Variants in SLC1A1 observed in about 807,000 individuals in gnomAD.
SLC1A1 encodes solute carrier family 1 member 1.
Under a neutral mutation model 53.3 loss-of-function variants are expected in SLC1A1, and 43 were observed. The ratio of observed to expected loss-of-function variants is 0.81; its 90% CI spans 0.63 to 1.04. The LOEUF (loss-of-function observed/expected upper bound fraction) is 1.04. SLC1A1 is among the 50% of genes least tolerant of loss of function. SLC1A1 has a pLI of 0.00. For missense variants in SLC1A1, 748 were observed against 664.9 expected (o/e 1.12, Z -1.37); for synonymous variants, 307 against 243.2 (o/e 1.26, Z -2.44).
At chr9:4,527,712 A>T (rs1816313548) in intron 1 of SLC1A1, among the ~76,000 whole-genome samples, 1 of 152,114 alleles carries the variant, frequency 6.6e-6, no homozygotes, top group African/African-American at 2.4e-5. Flanking sequence ...GTCTATGCGA[A>T]CATCTCTATT....
chr9:4,555,083 T>C (rs760176457), intron 2 of SLC1A1, among the ~76,000 whole-genome samples: 1 of 152,192 alleles, frequency 6.6e-6, no homozygotes, highest in Non-Finnish European at 1.5e-5. Flanking sequence ...CTCCAATTTA[T>C]AGATGGAGAA....
Position 4,561,488 on chromosome 9 carries a change from G to A in SLC1A1, c.272G>A (p.Gly91Asp). ...GATTCCAACGTATCCGGAAAAATTG[G>A]TCTGCGCGCTGTCGTGTATTATTTC... ...ALDSNVSGKI[G>D]LRAVVYYFCT... The change falls in exon 3 of 12, where the codon GGT becomes GAT. Residue 91 changes from glycine (G) to aspartate (D), a missense_variant. Transcript: ENST00000262352. 6.2e-7 allele frequency: 1 copy of A among 1,611,258 alleles called. No homozygotes were observed. The highest frequency in any genetic ancestry group is 1.1e-5 in the South Asian group (1 of 91,008).
chr9:4,550,948 G>GA (rs1399752303), intron 2 of SLC1A1, among the ~76,000 whole-genome samples: 12 of 152,258 alleles, frequency 7.9e-5, no homozygotes, highest in African/African-American at 2.6e-4. Flanking sequence ...GTGTGCCAAT[G>GA]AAACATTCAT....
intron 1 of SLC1A1, among the ~76,000 whole-genome samples, chr9:4,525,972 C>T (rs555297834): frequency 4.6e-5 from 7 of 152,216 alleles, no homozygotes; most frequent in East Asian, 3.9e-4. Context: ...GACATCAACA[C>T]AGAATTTAGA....
At chr9:4,551,488 T>C (rs572686100) in intron 2 of SLC1A1, among the ~76,000 whole-genome samples, 5 of 152,230 alleles carry the variant, frequency 3.3e-5, no homozygotes, top group Admixed American at 6.5e-5. Flanking sequence ...ATTGCAAGAC[T>C]TGAAGACGCA....
At chr9:4,574,936 C>T (rs1191648439) in intron 8 of SLC1A1, among the ~76,000 whole-genome samples, 3 of 152,212 alleles carry the variant, frequency 2.0e-5, no homozygotes, top group African/African-American at 4.8e-5. Flanking sequence ...CAGTGTGAGG[C>T]CCCTGGCGCT....
At chr9:4,511,745 G>T (rs889300744) in intron 1 of SLC1A1, among the ~76,000 whole-genome samples, 1 of 152,020 alleles carries the variant, frequency 6.6e-6, no homozygotes, top group African/African-American at 2.4e-5. Context: ...GCAAGAAAAA[G>T]AAATAAAAGG....
intron 7 of SLC1A1, 71 bp from the exon 8 acceptor site, chr9:4,573,836 C>T: frequency 9.5e-7 from 1 of 1,055,866 alleles, no homozygotes; most frequent in Non-Finnish European, 1.5e-6. Flanking sequence ...CTGGAGTGTT[C>T]CTTCCCCACC....
Position 4,511,190 on chromosome 9 carries a change from CA to C in SLC1A1, c.91+20421del, listed in dbSNP as rs1284083587. Reference sequence around the variant, plus strand: ...TTCTGGCTGCTGTAACAACATCCCACAGACTACGTAGCTTATAAACAACAGA... The same window carrying C: ...TTCTGGCTGCTGTAACAACATCCCACGACTACGTAGCTTATAAACAACAGA... On this transcript the variant is annotated intron_variant, in intron 1 of 11. Coordinates refer to ENST00000262352, the MANE Select transcript of SLC1A1 (RefSeq NM_004170.6). 3.3e-5 allele frequency among the ~76,000 whole-genome samples: 5 copies of C among 152,330 alleles called. No individual in the cohort carries two copies. The East Asian group carries it at 5.8e-4, about 18-fold the overall frequency.
At chr9:4,553,590 C>T (rs904362935) in intron 2 of SLC1A1, 1 of 152,322 alleles carries the variant, frequency 6.6e-6, no homozygotes, top group Non-Finnish European at 1.5e-5. Context: ...TGGTCTTGAA[C>T]TCCTGACCTC....
intron 2 of SLC1A1, among the ~76,000 whole-genome samples, chr9:4,558,342 C>T (rs1178227806): frequency 2.0e-5 from 3 of 152,068 alleles, no homozygotes; most frequent in Non-Finnish European, 4.4e-5. Context: ...GGTAACTATA[C>T]AGAGGTAGAG....
intron 2 of SLC1A1, among the ~76,000 whole-genome samples, chr9:4,550,686 T>G (rs1817853747): frequency 6.6e-6 from 1 of 152,194 alleles, no homozygotes; most frequent in African/African-American, 2.4e-5. Flanking sequence ...CCACCACACC[T>G]GCCCTACTTT....
intron 3 of SLC1A1, among the ~76,000 whole-genome samples, chr9:4,562,571 T>G (rs1352342399): frequency 6.6e-6 from 1 of 152,238 alleles, no homozygotes; most frequent in Non-Finnish European, 1.5e-5. Context: ...TCTTATACCC[T>G]TAGCATAGTT....
chr9:4,557,251 G>T (rs1454593053), intron 2 of SLC1A1, among the ~76,000 whole-genome samples: 1 of 152,246 alleles, frequency 6.6e-6, no homozygotes, highest in Non-Finnish European at 1.5e-5. Context: ...AGGCCTTACA[G>T]CCATATGATC....
rs896162408 is a variant in SLC1A1, at chr9:4,583,024, G to C, written c.1194-14G>C. 3.7e-6 allele frequency: 6 copies of C among 1,614,072 alleles called. No homozygotes were observed. In the African/African-American group the frequency reaches 6.7e-5, roughly 18 times the overall value. On this transcript the variant is annotated splice_polypyrimidine_tract_variant and intron_variant, in intron 10 of 11. Transcript: ENST00000262352. The surrounding 1 kb of genome is among the most constrained non-coding windows in gnomAD (Gnocchi z 4.6). ...TAAGTGTCTAACTCCTTTCCTGCTG[G>C]TATGTTTCTGCAGTATCACGGCCAC...
intron 1 of SLC1A1, among the ~76,000 whole-genome samples, chr9:4,509,617 C>G (rs1029718857): frequency 6.6e-6 from 1 of 152,038 alleles, no homozygotes; most frequent in Non-Finnish European, 1.5e-5. Flanking sequence ...CAGCTACTGC[C>G]TCTCATTTGC....
At chr9:4,512,176 C>T (rs765458075) in intron 1 of SLC1A1, among the ~76,000 whole-genome samples, 3 of 152,102 alleles carry the variant, frequency 2.0e-5, no homozygotes, top group Non-Finnish European at 4.4e-5. Context: ...GATCTAAATC[C>T]CAGCAGGGAT....
intron 10 of SLC1A1, among the ~76,000 whole-genome samples, chr9:4,579,453 C>CTTT (rs574744111): frequency 1.5e-3 from 223 of 152,278 alleles, no homozygotes; most frequent in Non-Finnish European, 2.6e-3. Context: ...ATCCCTCCCT[C>CTTT]TTTTTTGGTT....
chr9:4,509,713 C>A (rs974585481), intron 1 of SLC1A1, among the ~76,000 whole-genome samples: 1 of 152,100 alleles, frequency 6.6e-6, no homozygotes, highest in East Asian at 1.9e-4. Flanking sequence ...GAGGGTGAAT[C>A]GGAGGGCAAA....
Sources: allele counts gnomAD v4.1 joint callset (sites outside exome capture counted in the v4.1 genomes callset), GRCh38; gene constraint gnomAD v4.1.1; non-coding constraint Gnocchi (gnomAD v3.1); transcripts MANE v1.5; gene names NCBI Gene and HGNC (gene_info 2026-07-23, HGNC 2026-07-21).